PHF6: variants seen among roughly 807,000 people sequenced by gnomAD.
The protein encoded by PHF6 is PHD-like zinc finger protein.
A neutral mutation model predicts 34.0 loss-of-function variants in PHF6; 7 were observed. The ratio of observed to expected loss-of-function variants is 0.21; its 90% CI spans 0.12 to 0.39. The LOEUF (loss-of-function observed/expected upper bound fraction) is 0.39, where lower values mean the gene tolerates loss of function less well. PHF6 is among the 10% of genes least tolerant of loss of function. The pLI, the probability that PHF6 is intolerant of heterozygous loss-of-function variation, is 1.00. For synonymous variants in PHF6, 89 were observed against 88.4 expected (o/e 1.01, Z -0.04); for missense variants, 128 against 262.8 (o/e 0.49, Z 3.55).
intron 5 of PHF6, among the ~76,000 whole-genome samples, chrX:134,409,104 G>A (rs1259658392): frequency 8.9e-6 from 1 of 111,855 alleles, no homozygotes; most frequent in Non-Finnish European, 1.9e-5. Flanking sequence ...TTCCTTTAGG[G>A]CTTCTTATAT....
chrX:134,420,972 A>G (rs6638228), intron 9 of PHF6, among the ~76,000 whole-genome samples: 10,152 of 111,247 alleles, frequency 0.091, 401 homozygotes, highest in East Asian at 0.21. Flanking sequence ...GCATCAAAAG[A>G]CACCTATTCT....
intron 5 of PHF6, among the ~76,000 whole-genome samples, chrX:134,402,847 T>C (rs1346266899): frequency 2.7e-5 from 3 of 111,987 alleles, no homozygotes; most frequent in East Asian, 5.6e-4. Flanking sequence ...TTATCCGTTA[T>C]GGTGATCTGT....
At chrX:134,409,282 C>T (rs2077439266) in intron 5 of PHF6, among the ~76,000 whole-genome samples, 1 of 111,556 alleles carries the variant, frequency 9.0e-6, no homozygotes, top group South Asian at 3.8e-4. Context: ...CTTTTCCACT[C>T]ATCTGAAATG....
intron 5 of PHF6, among the ~76,000 whole-genome samples, chrX:134,408,419 G>A (rs186101804): frequency 2.7e-5 from 3 of 111,723 alleles, no homozygotes; most frequent in Non-Finnish European, 3.8e-5. Flanking sequence ...GTACTGTCAC[G>A]TGGCTTCTGA....
intron 3 of PHF6, among the ~76,000 whole-genome samples, chrX:134,379,822 C>G (rs1331745037): frequency 9.0e-6 from 1 of 111,711 alleles, no homozygotes; most frequent in Non-Finnish European, 1.9e-5. Flanking sequence ...TTCTGAGAAC[C>G]ATAGCACTAT....
intron 9 of PHF6, among the ~76,000 whole-genome samples, chrX:134,421,334 T>C (rs758202078): frequency 1.8e-5 from 2 of 111,981 alleles, no homozygotes; most frequent in South Asian, 7.5e-4. Context: ...TAGAAACATA[T>C]TCAACAAGCT....
chrX:134,390,220 C>G (rs1297145631), intron 3 of PHF6, among the ~76,000 whole-genome samples: 2 of 111,836 alleles, frequency 1.8e-5, no homozygotes, highest in African/African-American at 3.2e-5. Flanking sequence ...ATAATTTTTG[C>G]TATTTTGTTA....
chrX:134,415,199 C>CA (rs767917728), intron 8 of PHF6, 79 bp downstream of exon 8: 1 of 1,204,302 alleles, frequency 8.3e-7, no homozygotes. Flanking sequence ...CAAATTTATC[C>CA]AGTCATCAGA....
intron 9 of PHF6, among the ~76,000 whole-genome samples, chrX:134,422,478 G>A (rs2077495287): frequency 9.0e-6 from 1 of 111,260 alleles, no homozygotes; most frequent in Non-Finnish European, 1.9e-5. Context: ...TCAAATGAGA[G>A]CCCATAGGTG....
At chrX:134,388,904 A>G (rs1187871608) in intron 3 of PHF6, among the ~76,000 whole-genome samples, 1 of 111,590 alleles carries the variant, frequency 9.0e-6, no homozygotes, top group Non-Finnish European at 1.9e-5. Flanking sequence ...GTCTCCTCTC[A>G]TGCATGACTT....
chrX:134,410,128 C>T (rs192390460), intron 5 of PHF6, among the ~76,000 whole-genome samples: 1 of 111,517 alleles, frequency 9.0e-6, no homozygotes, highest in East Asian at 2.8e-4. Flanking sequence ...TTTGGTGGAA[C>T]GATTTGTTTC....
intron 5 of PHF6, among the ~76,000 whole-genome samples, chrX:134,411,458 TTTAA>T (rs2077450360): frequency 9.0e-6 from 1 of 110,811 alleles, no homozygotes; most frequent in African/African-American, 3.3e-5. Flanking sequence ...TTTATAGATG[TTTAA>T]TAAATAACAT....
chrX:134,374,893 T>G (rs1474307278), intron 1 of PHF6, among the ~76,000 whole-genome samples: 29 of 112,277 alleles, frequency 2.6e-4, no homozygotes, highest in Non-Finnish European at 5.6e-5. Flanking sequence ...CATTGTTGCG[T>G]GAAAGCATCA....
At chrX:134,409,333 C>A (rs1023263165) in intron 5 of PHF6, among the ~76,000 whole-genome samples, 1 of 111,517 alleles carries the variant, frequency 9.0e-6, no homozygotes, top group African/African-American at 3.3e-5. Context: ...GCACGTGGGT[C>A]TGTTTTCAAA....
At chrX:134,384,872 T>C (rs755528720) in intron 3 of PHF6, among the ~76,000 whole-genome samples, 56 of 110,739 alleles carry the variant, frequency 5.1e-4, no homozygotes, top group Middle Eastern at 4.7e-3. Flanking sequence ...AGGATGGTCT[T>C]GATCTCCTGA....
intron 3 of PHF6, among the ~76,000 whole-genome samples, chrX:134,390,009 A>G (rs2077346550): frequency 1.1e-5 from 1 of 90,820 alleles, no homozygotes; most frequent in African/African-American, 4.5e-5. Context: ...GATAAAATTT[A>G]TGTATTTATA....
intron 9 of PHF6, chrX:134,418,469 C>T (rs906471158): frequency 9.0e-6 from 1 of 111,112 alleles, no homozygotes; most frequent in African/African-American, 3.3e-5. Flanking sequence ...GATTTGCCAT[C>T]CAGAGTTGTA....
chrX:134,426,336 A>G lies in PHF6; in HGVS notation c.*676A>G, dbSNP rs1468691476. ...ACCTCCTCTCTTTCCATGTTATACA[A>G]AGGACTTCTGGCAAAATGATTGAGT... is the stretch of plus-strand genomic sequence containing the variant. On this transcript the variant is annotated 3_prime_UTR_variant, in exon 11 of 11. Transcript: ENST00000370803. 1.2e-5 allele frequency: 2 copies of G among 160,217 alleles called. No homozygotes were observed. The highest frequency in any genetic ancestry group is 9.3e-5 in the East Asian group (1 of 10,796). 13.2% of individuals were successfully genotyped at this position (160,217 alleles called of 1,213,427 possible). A position where few individuals can be genotyped will look rare whatever the true frequency, so the allele number is the denominator to read the frequency against.
Position 134,377,635 on chromosome X carries a change from A to G in PHF6, c.18A>G (p.Glu6=). The change falls in exon 2 of 11, where the codon GAA becomes GAG. Residue 6 remains glutamate (E), a synonymous_variant. Transcript: ENST00000370803. The stretch of plus-strand genomic sequence containing the variant: ...TAAAAATCATGTCAAGCTCAGTTGA[A>G]CAGAAAAAAGGGCCTACAAGACAGC... The part of the protein sequence containing the change: MSSSV[E]QKKGPTRQRK... The G allele has an allele frequency of 8.3e-7, 1 of 1,210,673 alleles. No homozygotes were observed. The highest frequency in any genetic ancestry group is 3.0e-5 in the East Asian group (1 of 33,838).
Sources: allele counts gnomAD v4.1 joint callset (sites outside exome capture counted in the v4.1 genomes callset), GRCh38; gene constraint gnomAD v4.1.1; transcripts MANE v1.5; gene names NCBI Gene and HGNC (gene_info 2026-07-23, HGNC 2026-07-21).